Variants in GRM7 observed in about 807,000 individuals in gnomAD.
GRM7 encodes glutamate metabotropic receptor 7.
In GRM7, 35 loss-of-function variants were observed where a neutral mutation model predicts 84.5. The observed-to-expected ratio is 0.41, with a 90% CI of 0.32 to 0.55. The LOEUF is 0.55. GRM7 is among the 20% of genes least tolerant of loss of function. The pLI is 0.19. For synonymous variants in GRM7, 487 were observed against 455.1 expected, an observed-to-expected ratio of 1.07 and a Z score of -0.89; for missense variants, 1,003 against 1,194.6, an observed-to-expected ratio of 0.84 and a Z score of 2.36.
intron 7 of GRM7, among the ~76,000 whole-genome samples, chr3:7,477,477 T>G (rs1484732703): frequency 6.6e-6 from 1 of 152,120 alleles, no homozygotes; most frequent in Admixed American, 6.5e-5. Context: ...AGAGATCAAT[T>G]ACTACCCAAG....
intron 7 of GRM7, among the ~76,000 whole-genome samples, chr3:7,544,759 T>G (rs1355741900): frequency 6.6e-6 from 1 of 152,216 alleles, no homozygotes; most frequent in Admixed American, 6.5e-5. Flanking sequence ...TACTGCCCCT[T>G]AAGTATTTTT....
At chr3:6,907,225 C>A (rs549900479) in intron 1 of GRM7, among the ~76,000 whole-genome samples, 1 of 152,116 alleles carries the variant, frequency 6.6e-6, no homozygotes, top group East Asian at 1.9e-4. Context: ...TTAAAAAATA[C>A]TAAATTCTTG....
At chr3:7,477,346 C>A (rs189117905) in intron 7 of GRM7, among the ~76,000 whole-genome samples, 2 of 152,250 alleles carry the variant, frequency 1.3e-5, no homozygotes, top group African/African-American at 4.8e-5. Context: ...CTAAAGTCTT[C>A]TTTAGACAGA....
At chr3:7,473,489 GGA>G (rs372898836) in intron 7 of GRM7, among the ~76,000 whole-genome samples, 8,243 of 126,350 alleles carry the variant, frequency 0.065, 412 homozygotes, top group African/African-American at 0.14. Flanking sequence ...AAAACGAGAG[GGA>G]GAGAGAGAGA....
At position 7,498,276 on chromosome 3, in the gene GRM7, G is replaced by A. The variant is rs996228829; in HGVS notation, c.1515+36554G>A. 2.0e-5 allele frequency among the ~76,000 whole-genome samples: 3 copies of A among 152,248 alleles called. No homozygotes were observed. The East Asian group carries it at 5.8e-4, about 29-fold the overall frequency. ...ACTTATTGAATGACCTCTCCCAAGG[G>A]GCAATAGCCTACAATGCATTTACCC... is the stretch of plus-strand genomic sequence containing the variant. On this transcript the variant is annotated intron_variant, in intron 7 of 9. Transcript: ENST00000357716.
At chr3:7,481,323 T>G (rs1699119837) in intron 7 of GRM7, among the ~76,000 whole-genome samples, 1 of 152,108 alleles carries the variant, frequency 6.6e-6, no homozygotes, top group African/African-American at 2.4e-5. Flanking sequence ...AGTGGGCTCT[T>G]GAACTCCTGG....
chr3:7,301,013 T>C (rs1199355719), intron 3 of GRM7, among the ~76,000 whole-genome samples: 1 of 152,176 alleles, frequency 6.6e-6, no homozygotes, highest in African/African-American at 2.4e-5. Context: ...TAAGCTTCTT[T>C]TTTTTCTGAA....
chr3:7,444,097 C>T (rs1697406266), intron 5 of GRM7, among the ~76,000 whole-genome samples: 1 of 152,138 alleles, frequency 6.6e-6, no homozygotes, highest in Admixed American at 6.6e-5. Flanking sequence ...ATGGTAATTG[C>T]ACAGATTCGT....
At chr3:6,906,004 C>T (rs1696561132) in intron 1 of GRM7, among the ~76,000 whole-genome samples, 1 of 152,190 alleles carries the variant, frequency 6.6e-6, no homozygotes, top group African/African-American at 2.4e-5. Context: ...GCATTATAAG[C>T]CACCTCACCT....
intron 8 of GRM7, among the ~76,000 whole-genome samples, chr3:7,629,447 A>G (rs1472090743): frequency 1.3e-5 from 2 of 152,290 alleles, no homozygotes; most frequent in Admixed American, 6.5e-5. Context: ...ATGTCCTCAC[A>G]TGACCTTTCC....
intron 4 of GRM7, among the ~76,000 whole-genome samples, chr3:7,343,777 C>G (rs1487897068): frequency 6.6e-6 from 1 of 152,132 alleles, no homozygotes; most frequent in East Asian, 1.9e-4. Flanking sequence ...TGGTGTTTCT[C>G]CTGATGATTG....
chr3:7,463,793 C>T (rs953198485), intron 7 of GRM7, among the ~76,000 whole-genome samples: 3 of 152,086 alleles, frequency 2.0e-5, no homozygotes, highest in African/African-American at 7.2e-5. Flanking sequence ...AGGTAAGAGC[C>T]ATACTCATGC....
At chr3:7,592,319 A>T (rs1695828659) in intron 8 of GRM7, among the ~76,000 whole-genome samples, 1 of 152,162 alleles carries the variant, frequency 6.6e-6, no homozygotes, top group Non-Finnish European at 1.5e-5. Flanking sequence ...GCAATTAGGA[A>T]TAGGGGCTCA....
chr3:6,949,948 T>A (rs1575055821), intron 1 of GRM7, among the ~76,000 whole-genome samples: 3 of 152,190 alleles, frequency 2.0e-5, no homozygotes, highest in African/African-American at 2.4e-5. Flanking sequence ...ATTCTAGTTA[T>A]CCATTCGTCT....
chr3:7,250,623 G>A (rs998824196), intron 2 of GRM7, among the ~76,000 whole-genome samples: 2 of 145,294 alleles, frequency 1.4e-5, no homozygotes, highest in South Asian at 2.2e-4. Context: ...TCCTGGGTTC[G>A]AGCAATTTTC....
At position 7,432,410 on chromosome 3, in the gene GRM7, T is replaced by C. The variant is rs555363537; in HGVS notation, c.1174+17247T>C. Among the ~76,000 whole-genome samples, 3 of 152,328 alleles carry C rather than the reference T, an allele frequency of 2.0e-5. No individual in the cohort carries two copies. The South Asian group carries it at 6.2e-4, about 32-fold the overall frequency. On this transcript the variant is annotated intron_variant, in intron 5 of 9. Transcript: ENST00000357716. ...ATCTTGGCTCACTGCAACCTCTGCCTCCTGGGTTCAAGTGATTCTCCTGCC... is the reference window on the plus strand; with the variant it reads ...ATCTTGGCTCACTGCAACCTCTGCCCCCTGGGTTCAAGTGATTCTCCTGCC...
At chr3:7,581,111 C>G (rs1695230291) in intron 8 of GRM7, among the ~76,000 whole-genome samples, 1 of 152,254 alleles carries the variant, frequency 6.6e-6, no homozygotes, top group African/African-American at 2.4e-5. Context: ...ATAGATGAGT[C>G]TGATTGCAAT....
intron 8 of GRM7, among the ~76,000 whole-genome samples, chr3:7,650,393 G>A (rs977987099): frequency 1.1e-4 from 17 of 152,206 alleles, no homozygotes; most frequent in African/African-American, 3.9e-4. Flanking sequence ...GTGAGATGCT[G>A]TGTATAAGCC....
chr3:7,595,274 G>C (rs183602180), intron 8 of GRM7, among the ~76,000 whole-genome samples: 1 of 152,134 alleles, frequency 6.6e-6, no homozygotes, highest in South Asian at 2.1e-4. Context: ...GAGGGAGCAG[G>C]GCTACTTCTG....
Sources: allele counts gnomAD v4.1 joint callset (sites outside exome capture counted in the v4.1 genomes callset), GRCh38; gene constraint gnomAD v4.1.1; transcripts MANE v1.5; gene names NCBI Gene and HGNC (gene_info 2026-07-23, HGNC 2026-07-21).